DGKB: variants seen among roughly 807,000 people sequenced by gnomAD.
DGKB encodes the protein 90 kDa diacylglycerol kinase.
A neutral mutation model predicts 114.3 loss-of-function variants in DGKB; 67 were observed. The observed-to-expected ratio is 0.59, with a 90% CI of 0.48 to 0.72. The LOEUF (loss-of-function observed/expected upper bound fraction) is 0.72. Among genes scored for constraint, DGKB ranks in the 30% least tolerant of loss-of-function variants. The pLI is 0.00. For missense variants in DGKB, 907 were observed against 975.2 expected, an observed-to-expected ratio of 0.93 and a Z score of 0.93; for synonymous variants, 398 against 323.1, an observed-to-expected ratio of 1.23 and a Z score of -2.49.
chr7:14,876,864 T>C (rs1312602703), intron 1 of DGKB, among the ~76,000 whole-genome samples: 1 of 152,216 alleles, frequency 6.6e-6, no homozygotes, highest in Admixed American at 6.5e-5. Context: ...TGAATCAAAT[T>C]ATAAATAACC....
chr7:14,871,568 G>A (rs889520062), intron 1 of DGKB, among the ~76,000 whole-genome samples: 7 of 152,062 alleles, frequency 4.6e-5, no homozygotes, highest in South Asian at 2.1e-4. Context: ...ATGCTAATAC[G>A]CCTAGATACT....
At chr7:14,404,308 C>G (rs931376918) in intron 21 of DGKB, among the ~76,000 whole-genome samples, 1 of 151,624 alleles carries the variant, frequency 6.6e-6, no homozygotes, top group African/African-American at 2.4e-5. Flanking sequence ...TTCTTTCAAC[C>G]TCTGAAACAA....
rs551562816 is a variant in DGKB at position 14,390,729 on chromosome 7, T to G, written c.1836-45338A>C. The stretch of plus-strand genomic sequence containing the variant: ...GGTCCCAGGTGTCTCTTATTAAGTC[T>G]TGGCATGTATTTCATTTAGAGATTG... On this transcript the variant is annotated intron_variant, in intron 21 of 25. Transcript: ENST00000402815. Among the ~76,000 whole-genome samples, 30 of 152,310 alleles carry G rather than the reference T, an allele frequency of 2.0e-4. 3 individuals are homozygous for G. The East Asian group carries it at 3.5e-3, about 18-fold the overall frequency.
chr7:14,367,997 T>G (rs1291744075), intron 21 of DGKB, among the ~76,000 whole-genome samples: 3 of 152,116 alleles, frequency 2.0e-5, no homozygotes, highest in African/African-American at 7.2e-5. Context: ...CAAAACCATA[T>G]CATATATTAA....
chr7:14,689,196 C>CTTT (rs1554599070), intron 9 of DGKB, among the ~76,000 whole-genome samples: 5 of 80,296 alleles, frequency 6.2e-5, no homozygotes, highest in East Asian at 5.8e-4. Context: ...AGAAACTCCT[C>CTTT]TTATTTTTTT....
chr7:14,191,136 C>A, intron 23 of DGKB: 1 of 172,610 alleles, frequency 5.8e-6, no homozygotes, highest in Non-Finnish European at 1.3e-5. Context: ...CTGTGATGTC[C>A]TGATTGTTGC....
chr7:14,959,756 C>G (rs758031741), intron 1 of DGKB, among the ~76,000 whole-genome samples: 1 of 149,888 alleles, frequency 6.7e-6, no homozygotes, highest in Non-Finnish European at 1.5e-5. Flanking sequence ...TAGATTTTAC[C>G]ACTGAGATTA....
At chr7:14,624,249 A>G (rs1031651968) in intron 14 of DGKB, among the ~76,000 whole-genome samples, 1 of 152,128 alleles carries the variant, frequency 6.6e-6, no homozygotes, top group African/African-American at 2.4e-5. Context: ...GAAATAATTT[A>G]CTCCAGCATT....
rs375565349 is a variant in DGKB, at chr7:14,361,654, C to T, written c.1836-16263G>A. Among the ~76,000 whole-genome samples, 12 of 152,022 alleles carry T rather than the reference C, an allele frequency of 7.9e-5. No homozygotes were observed. The East Asian group carries it at 1.2e-3, about 15-fold the overall frequency. On this transcript the variant is annotated intron_variant, in intron 21 of 25. Coordinates refer to ENST00000402815, the MANE Select transcript of DGKB (RefSeq NM_001350709.2). ...ACATGTTAGATAATTCTAAGATGTA[C>T]GTAAAGGAAACATCCCCTCTCTTTT...
chr7:14,582,980 A>T, intron 18 of DGKB, 72 bp downstream of exon 18: 1 of 956,962 alleles, frequency 1.0e-6, no homozygotes. Context: ...TACAAGCAAT[A>T]GACACATAGA....
At chr7:14,864,855 A>T (rs1354964334) in intron 1 of DGKB, among the ~76,000 whole-genome samples, 4 of 151,934 alleles carry the variant, frequency 2.6e-5, no homozygotes, top group Admixed American at 2.6e-4. Flanking sequence ...TCCTTTAGGG[A>T]TGGGTAACTA....
chr7:14,332,914 T>C (rs1809980220), intron 23 of DGKB, among the ~76,000 whole-genome samples: 1 of 152,106 alleles, frequency 6.6e-6, no homozygotes, highest in African/African-American at 2.4e-5. Flanking sequence ...ATATGCAGGG[T>C]AGACAGTCAC....
chr7:14,700,799 A>C (rs541772024), intron 7 of DGKB, among the ~76,000 whole-genome samples: 48 of 152,304 alleles, frequency 3.2e-4, no homozygotes, highest in African/African-American at 1.1e-3. Context: ...AAATATATCA[A>C]AACATTTGTT....
intron 5 of DGKB, among the ~76,000 whole-genome samples, chr7:14,719,709 T>C (rs73680201): frequency 0.012 from 1,756 of 152,256 alleles, 30 homozygotes; most frequent in African/African-American, 0.04. Context: ...CATGAATACC[T>C]ATCACCTCGT....
At chr7:14,748,877 TG>T (rs1267879436) in intron 4 of DGKB, among the ~76,000 whole-genome samples, 4 of 152,332 alleles carry the variant, frequency 2.6e-5, no homozygotes, top group South Asian at 4.1e-4. Flanking sequence ...ATAAAGCAAC[TG>T]TTTGAAACCA....
intron 20 of DGKB, among the ~76,000 whole-genome samples, chr7:14,491,677 G>A (rs1784616698): frequency 6.6e-6 from 1 of 151,960 alleles, no homozygotes; most frequent in African/African-American, 2.4e-5. Flanking sequence ...TAACATAATG[G>A]TAGGTTTTAT....
At position 14,534,251 on chromosome 7, in the gene DGKB, A is replaced by T. The variant is rs184840290; in HGVS notation, c.1770+39961T>A. Among the ~76,000 whole-genome samples, 137 of 152,214 alleles carry T rather than the reference A, an allele frequency of 9.0e-4. 1 individual carries two copies. Among genetic ancestry groups the T allele is most frequent in the Admixed American group, 2.6e-3 (40 of 15,272 alleles). On this transcript the variant is annotated intron_variant, in intron 20 of 25. Coordinates refer to ENST00000402815, the MANE Select transcript of DGKB (RefSeq NM_001350709.2). ...GCTAAAAGTAGACTGTTATAATTAC[A>T]AGAGGTTAGTCCAGGCTTATGGTAA... is the stretch of plus-strand genomic sequence containing the variant.
chr7:14,938,148 C>T (rs565833627), intron 1 of DGKB, among the ~76,000 whole-genome samples: 147 of 152,104 alleles, frequency 9.7e-4, no homozygotes, highest in African/African-American at 3.4e-3. Context: ...CTGTGTGTGC[C>T]CATATGCAAA....
At chr7:14,501,021 T>C (rs1343567770) in intron 20 of DGKB, among the ~76,000 whole-genome samples, 2 of 151,586 alleles carry the variant, frequency 1.3e-5, no homozygotes, top group Non-Finnish European at 2.9e-5. Context: ...TTACAGAAAA[T>C]ATTAATAAGC....
Sources: allele counts gnomAD v4.1 joint callset (sites outside exome capture counted in the v4.1 genomes callset), GRCh38; gene constraint gnomAD v4.1.1; transcripts MANE v1.5; gene names NCBI Gene and HGNC (gene_info 2026-07-23, HGNC 2026-07-21).